GPT2: variants seen among roughly 807,000 people sequenced by gnomAD.
GPT2 encodes the protein glutamic--pyruvic transaminase 2.
GPT2 carries 30 observed loss-of-function variants against 56.9 expected under a neutral mutation model. That is an observed-to-expected ratio of 0.53 (90% CI 0.39 to 0.72). The LOEUF (loss-of-function observed/expected upper bound fraction) is 0.72, where lower values mean the gene tolerates loss of function less well. Ranked by LOEUF, GPT2 falls within the 30% of genes least tolerant of loss-of-function variation. GPT2 has a pLI of 0.00. For missense variants in GPT2, 542 were observed against 703.4 expected, an observed-to-expected ratio of 0.77 and a Z score of 2.60; for synonymous variants, 271 against 283.1, an observed-to-expected ratio of 0.96 and a Z score of 0.43.
chr16:46,918,772 C>G lies in GPT2; in HGVS notation c.1037+15C>G. Reference sequence around the variant, plus strand: ...TACATGGGCGAGTACGTGGGCCTCCCTTCCCTCTGCCACTGCTGGGCCTGC... The same window carrying G: ...TACATGGGCGAGTACGTGGGCCTCCGTTCCCTCTGCCACTGCTGGGCCTGC... On this transcript the variant is annotated intron_variant, in intron 8 of 11. Transcript: ENST00000340124. The G allele has an allele frequency of 1.2e-6, 2 of 1,612,912 alleles. No individual in the cohort carries two copies. Among genetic ancestry groups the G allele is most frequent in the South Asian group, 1.1e-5 (1 of 91,048 alleles).
chr16:46,889,936 C>T (rs910363129), intron 2 of GPT2, among the ~76,000 whole-genome samples: 1 of 152,144 alleles, frequency 6.6e-6, no homozygotes, highest in Admixed American at 6.5e-5. Context: ...CTCTGCCTTG[C>T]TGTCTTGAGC....
intron 9 of GPT2, among the ~76,000 whole-genome samples, chr16:46,923,038 C>T (rs1321458459): frequency 1.3e-5 from 2 of 152,196 alleles, no homozygotes; most frequent in Admixed American, 6.5e-5. Context: ...TCTCCAGAGC[C>T]GTTCCATGAT....
rs1287101712 is a variant in GPT2 at position 46,930,111 on chromosome 16, G to A, written c.*1114G>A. On this transcript the variant is annotated 3_prime_UTR_variant, in exon 12 of 12. Transcript: ENST00000340124. Reference sequence around the variant, plus strand: ...AGGTTCATTGCCGTGCTTTCATGCAGAGTGTTTTGCCTTCATGTTAGCTTC... The same window carrying A: ...AGGTTCATTGCCGTGCTTTCATGCAAAGTGTTTTGCCTTCATGTTAGCTTC... 1 of 153,188 alleles carries A rather than the reference G, an allele frequency of 6.5e-6. No individual in the cohort carries two copies. Among genetic ancestry groups the A allele is most frequent in the East Asian group, 1.9e-4 (1 of 5,196 alleles). The allele number at this position is 153,188 out of a possible 1,614,324, so 9.5% of individuals were successfully genotyped here. A position where few individuals can be genotyped will look rare whatever the true frequency, so the allele number is the denominator to read the frequency against.
chr16:46,910,134 ACTTTGG>A (rs1227945078), intron 6 of GPT2, among the ~76,000 whole-genome samples: 2 of 152,128 alleles, frequency 1.3e-5, no homozygotes, highest in African/African-American at 4.8e-5. Context: ...TAATCCCAGC[ACTTTGG>A]GAGGCCGAGG....
At chr16:46,925,860 G>A (rs1040955978) in intron 10 of GPT2, among the ~76,000 whole-genome samples, 1 of 151,926 alleles carries the variant, frequency 6.6e-6, no homozygotes, top group Non-Finnish European at 1.5e-5. Context: ...TGGGCCAGGT[G>A]TGGTGGCTCA....
rs772285948 is a variant in GPT2, at chr16:46,909,702, G to A, written c.595G>A (p.Val199Ile). ...GTTGCAGACGATCCTGAAGATCCTC[G>A]TCTCCGGGGGCGGCAAGTCACGGAC... ...DGISTILKILVSGGGKSRTGV... is the reference protein window; with the variant it reads ...DGISTILKILISGGGKSRTGV... Residue 199 changes from valine to isoleucine, a missense_variant, in exon 6 of 12, where the codon GTC becomes ATC. Physicochemically the swap from Val to Ile is conservative, Grantham distance 29. Transcript: ENST00000340124. 69 of 1,613,606 alleles carry A rather than the reference G, an allele frequency of 4.3e-5. No individual in the cohort carries two copies. The Admixed American group carries it at 6.8e-4, about 16-fold the overall frequency.
intron 2 of GPT2, among the ~76,000 whole-genome samples, chr16:46,891,654 A>G (rs1347928627): frequency 2.6e-5 from 4 of 151,978 alleles, no homozygotes; most frequent in African/African-American, 9.7e-5. Context: ...CGGGCAGTAG[A>G]TGTATTATTT....
At chr16:46,885,401 T>TGGGGGGGGCGCGGGGGG in intron 2 of GPT2, 1 of 236,262 alleles carries the variant, frequency 4.2e-6, no homozygotes, top group Non-Finnish European at 5.2e-6. Context: ...GGAGACGGGG[T>TGGGGGGGGCGCGGGGGG]GGGGGGGGCT....
chr16:46,906,676 C>T (rs191461159), intron 4 of GPT2, among the ~76,000 whole-genome samples, 166 bp from the exon 5 acceptor site: 2 of 152,212 alleles, frequency 1.3e-5, no homozygotes, highest in East Asian at 3.9e-4. Flanking sequence ...GAAGCCAAGA[C>T]AGGTGGTTAA....
intron 3 of GPT2, among the ~76,000 whole-genome samples, chr16:46,899,930 C>T (rs1039753416): frequency 3.3e-5 from 5 of 152,134 alleles, no homozygotes; most frequent in African/African-American, 7.2e-5. Flanking sequence ...CTCTGACCTG[C>T]GCAGGTGCAC....
intron 2 of GPT2, among the ~76,000 whole-genome samples, chr16:46,886,946 T>C (rs115367333): frequency 5.4e-4 from 83 of 152,314 alleles, no homozygotes; most frequent in African/African-American, 1.9e-3. Flanking sequence ...CATTCTCTTC[T>C]CACTGTGAGT....
rs755909211 is a variant in GPT2 at position 46,930,260 on chromosome 16, C to T, written c.*1263C>T. 10 of 152,356 alleles carry T rather than the reference C, an allele frequency of 6.6e-5. No individual in the cohort carries two copies. The highest frequency in any genetic ancestry group is 1.2e-4 in the Non-Finnish European group (8 of 68,134). 9.4% of individuals were successfully genotyped at this position (152,356 alleles called of 1,614,324 possible). ...CAGCCCTGGGCGGGCCGACCACACT[C>T]GAGGCTGCGGTGCTACGGGCTTAGC... On this transcript the variant is annotated 3_prime_UTR_variant, in exon 12 of 12. Transcript: ENST00000340124.
At position 46,893,313 on chromosome 16, in the gene GPT2, A is replaced by C. The variant is rs909755030; in HGVS notation, c.244-4335A>C. Among the ~76,000 whole-genome samples the C allele has an allele frequency of 4.6e-5, 7 of 152,150 alleles. No homozygotes were observed. The East Asian group carries it at 1.4e-3, about 29-fold the overall frequency. On this transcript the variant is annotated intron_variant, in intron 2 of 11. Transcript: ENST00000340124. ...GCCTGGCAAATTTTTTTGTATTTTT[A>C]GTAGAGACGGGGTTTCACCGTGTTA...
intron 1 of GPT2, 50 bp downstream of exon 1, chr16:46,884,517 T>C: frequency 1.9e-6 from 1 of 519,958 alleles, no homozygotes; most frequent in Non-Finnish European, 2.9e-6. Context: ...GCCGGTTGGG[T>C]GTGCGTTGGT....
intron 4 of GPT2, 29 bp downstream of exon 4, chr16:46,900,819 G>T (rs746835886): frequency 6.3e-7 from 1 of 1,592,050 alleles, no homozygotes. Context: ...AGGCCCCTAG[G>T]CGTGAAATGA....
intron 8 of GPT2, among the ~76,000 whole-genome samples, chr16:46,920,151 G>C (rs902851706): frequency 2.0e-5 from 3 of 152,254 alleles, no homozygotes; most frequent in African/African-American, 7.2e-5. Context: ...GCTGCGGTGA[G>C]CTGATGACGC....
chr16:46,931,189 T>A lies in GPT2; in HGVS notation c.*2192T>A. On this transcript the variant is annotated 3_prime_UTR_variant, in exon 12 of 12. Coordinates refer to ENST00000340124, the MANE Select transcript of GPT2 (RefSeq NM_133443.4). The stretch of plus-strand genomic sequence containing the variant: ...GGAGGAACAGATGCAGATCAACCTG[T>A]GGCTGTTTTCCCGTCTAGGTTCTCA... The A allele has an allele frequency of 6.6e-6, 1 of 152,210 alleles. No individual in the cohort carries two copies. The highest frequency in any genetic ancestry group is 2.1e-4 in the South Asian group (1 of 4,834). The allele number at this position is 152,210 out of a possible 1,614,324, so 9.4% of individuals were successfully genotyped here.
At chr16:46,885,757 T>C (rs1960470634) in intron 2 of GPT2, among the ~76,000 whole-genome samples, 1 of 151,664 alleles carries the variant, frequency 6.6e-6, no homozygotes, top group South Asian at 2.1e-4. Flanking sequence ...GGGTGGGTGA[T>C]AGAGGGGTCC....
chr16:46,901,372 C>T (rs1371101625), intron 4 of GPT2, among the ~76,000 whole-genome samples: 1 of 152,162 alleles, frequency 6.6e-6, no homozygotes, highest in Non-Finnish European at 1.5e-5. Flanking sequence ...TGCATCCTGA[C>T]GTGGCACCAG....
Sources: allele counts gnomAD v4.1 joint callset (sites outside exome capture counted in the v4.1 genomes callset), GRCh38; gene constraint gnomAD v4.1.1; transcripts MANE v1.5; gene names NCBI Gene and HGNC (gene_info 2026-07-23, HGNC 2026-07-21).